Variants in KCNQ1 observed in about 807,000 individuals in gnomAD.
KCNQ1 encodes potassium voltage-gated channel subfamily Q member 1.
In KCNQ1, 49 loss-of-function variants were observed where a neutral mutation model predicts 72.4. The ratio of observed to expected loss-of-function variants is 0.68; its 90% confidence interval spans 0.54 to 0.86. The LOEUF (loss-of-function observed/expected upper bound fraction) is 0.86. KCNQ1 is among the 40% of genes least tolerant of loss of function. The pLI, the probability that KCNQ1 is intolerant of heterozygous loss-of-function variation, is 0.00. For missense variants in KCNQ1, 790 were observed against 945.1 expected (o/e 0.84, Z 2.15); for synonymous variants, 450 against 412.6 (o/e 1.09, Z -1.10).
At position 2,809,466 on chromosome 11, in the gene KCNQ1, G is replaced by A. The variant is rs1334400645; in HGVS notation, c.1794+31429G>A. Among the ~76,000 whole-genome samples, 3 of 152,182 alleles carry A rather than the reference G, an allele frequency of 2.0e-5. No individual in the cohort carries two copies. The highest frequency in any genetic ancestry group is 4.4e-5 in the Non-Finnish European group (3 of 68,038). Reference sequence around the variant, plus strand: ...TACCGTGGCATTGGTCCAGGTTTGTGATACTTGTGCACAGCTTGGGGGCTC... The same window carrying A: ...TACCGTGGCATTGGTCCAGGTTTGTAATACTTGTGCACAGCTTGGGGGCTC... On this transcript the variant is annotated intron_variant, in intron 15 of 15. Transcript: ENST00000155840. This position sits in a 1 kb window ranked among gnomAD's most constrained non-coding sequence, Gnocchi z 7.1.
intron 10 of KCNQ1, chr11:2,643,556 C>A: frequency 2.5e-6 from 1 of 398,452 alleles, no homozygotes; most frequent in Non-Finnish European, 4.4e-6. Flanking sequence ...AGGTGAGATG[C>A]GTTTCTTGTA....
At position 2,482,085 on chromosome 11, in the gene KCNQ1, C is replaced by A. The variant is rs1255787869; in HGVS notation, c.386+36601C>A. Among the ~76,000 whole-genome samples, 1 of 152,158 alleles carries A rather than the reference C, an allele frequency of 6.6e-6. No homozygotes were observed. Among genetic ancestry groups the A allele is most frequent in the Non-Finnish European group, 1.5e-5 (1 of 68,036 alleles). ...ATCTCTGAAACGGGAACGATGGGAG[C>A]CCTCACCTCGTATGGTGGTTTGAGG... On this transcript the variant is annotated intron_variant, in intron 1 of 15. Transcript: ENST00000155840. This position sits in a 1 kb window ranked among gnomAD's most constrained non-coding sequence, Gnocchi z 5.7.
rs1307279894 is a variant in KCNQ1 at position 2,492,608 on chromosome 11, G to T, written c.387-35320G>T. Among the ~76,000 whole-genome samples the T allele has an allele frequency of 2.0e-5, 3 of 152,094 alleles. No individual in the cohort carries two copies. The highest frequency in any genetic ancestry group is 7.2e-5 in the African/African-American group (3 of 41,396). The stretch of plus-strand genomic sequence containing the variant: ...CTTCCACTTATGAGTGAGAACATAT[G>T]GTGTTTGGTTTTCTGTTCCTGTGTT... On this transcript the variant is annotated intron_variant, in intron 1 of 15. Transcript: ENST00000155840. This position sits in a 1 kb window ranked among gnomAD's most constrained non-coding sequence, Gnocchi z 4.1.
Position 2,670,779 on chromosome 11 carries a change from C to A in KCNQ1, c.1514+8698C>A. 1 of 398,540 alleles carries A rather than the reference C, an allele frequency of 2.5e-6. No homozygotes were observed. The highest frequency in any genetic ancestry group is 4.4e-6 in the Non-Finnish European group (1 of 226,060). The allele number at this position is 398,540 out of a possible 1,614,324, so 24.7% of individuals were successfully genotyped here. On this transcript the variant is annotated intron_variant, in intron 11 of 15. Coordinates refer to ENST00000155840, the MANE Select transcript of KCNQ1 (RefSeq NM_000218.3). The surrounding 1 kb of genome is among the most constrained non-coding windows in gnomAD (Gnocchi z 4.9). ...CAGTGGCTCTTGTGGCTGCCCTCTGCAATAAGAATTCTTCAAGTTCAGCCT... is the reference window on the plus strand; with the variant it reads ...CAGTGGCTCTTGTGGCTGCCCTCTGAAATAAGAATTCTTCAAGTTCAGCCT...
intron 1 of KCNQ1, among the ~76,000 whole-genome samples, chr11:2,511,379 AC>A (rs1004630482): frequency 9.2e-5 from 14 of 151,574 alleles, no homozygotes; most frequent in African/African-American, 3.4e-4. Flanking sequence ...ACTCTCCCCC[AC>A]CCCCATGGAA....
rs1222606744 is a variant in KCNQ1 at position 2,647,849 on chromosome 11, A to G, written c.1394-14112A>G. On this transcript the variant is annotated intron_variant, in intron 10 of 15. Coordinates refer to ENST00000155840, the MANE Select transcript of KCNQ1 (RefSeq NM_000218.3). The surrounding 1 kb of genome is among the most constrained non-coding windows in gnomAD (Gnocchi z 4.0). ...GTGTCCATTGTAAGTCTCCTTTTTC[A>G]TTTCTGATTTTATTTATTGGGTCTT... is the stretch of plus-strand genomic sequence containing the variant. 1 of 397,898 alleles carries G rather than the reference A, an allele frequency of 2.5e-6. No homozygotes were observed. Among genetic ancestry groups the G allele is most frequent in the African/African-American group, 2.1e-5 (1 of 48,418 alleles). 24.6% of individuals were successfully genotyped at this position (397,898 alleles called of 1,614,324 possible).
At chr11:2,610,258 G>A in intron 10 of KCNQ1, 1 of 397,958 alleles carries the variant, frequency 2.5e-6, no homozygotes, top group Non-Finnish European at 4.4e-6. Flanking sequence ...GTGAGATACA[G>A]AAGTTATTCC....
chr11:2,694,042 A>C, intron 11 of KCNQ1: 1 of 398,718 alleles, frequency 2.5e-6, no homozygotes, highest in South Asian at 1.3e-4. Flanking sequence ...CCCATGCCAT[A>C]GATGGCTGAG....
At chr11:2,556,990 G>A (rs900970249) in intron 2 of KCNQ1, among the ~76,000 whole-genome samples, 6 of 152,202 alleles carry the variant, frequency 3.9e-5, no homozygotes, top group African/African-American at 7.2e-5. Flanking sequence ...AATGTAAATC[G>A]CCTGAATTCC....
In KCNQ1 at chr11:2,492,112, A is replaced by G. The variant is rs1846845421; in HGVS notation, c.387-35816A>G. On this transcript the variant is annotated intron_variant, in intron 1 of 15. Transcript: ENST00000155840. This position sits in a 1 kb window ranked among gnomAD's most constrained non-coding sequence, Gnocchi z 4.1. ...TTCAATCTGAAAGAAAAGGGTGTTAATAAGCAACAAGAAATGATGTGAAGG... is the reference window on the plus strand; with the variant it reads ...TTCAATCTGAAAGAAAAGGGTGTTAGTAAGCAACAAGAAATGATGTGAAGG... 6.6e-6 allele frequency among the ~76,000 whole-genome samples: 1 copy of G among 152,234 alleles called. No individual in the cohort carries two copies. The highest frequency in any genetic ancestry group is 1.5e-5 in the Non-Finnish European group (1 of 68,040).
chr11:2,797,172 G>T (rs74725295), intron 15 of KCNQ1, among the ~76,000 whole-genome samples: 35 of 152,030 alleles, frequency 2.3e-4, no homozygotes, highest in East Asian at 2.1e-3. Flanking sequence ...GGGGGGTGGC[G>T]GGGGGGAGGC....
chr11:2,605,470 A>G (rs1848865674), intron 10 of KCNQ1, among the ~76,000 whole-genome samples: 1 of 152,182 alleles, frequency 6.6e-6, no homozygotes, highest in South Asian at 2.1e-4. Context: ...ATTTTTATAT[A>G]TGATGTGGAG....
At position 2,477,604 on chromosome 11, in the gene KCNQ1, G is replaced by A. The variant is rs145137095; in HGVS notation, c.386+32120G>A. 2.8e-4 allele frequency among the ~76,000 whole-genome samples: 42 copies of A among 152,120 alleles called. No individual in the cohort carries two copies. The highest frequency in any genetic ancestry group is 9.9e-4 in the African/African-American group (41 of 41,480). On this transcript the variant is annotated intron_variant, in intron 1 of 15. Transcript: ENST00000155840. This position sits in a 1 kb window ranked among gnomAD's most constrained non-coding sequence, Gnocchi z 5.0. The stretch of plus-strand genomic sequence containing the variant: ...ACTAAACCCATAGTGTGTTAAAAAT[G>A]ACCACACATGTAGGCTAGGCACAGT...
intron 2 of KCNQ1, among the ~76,000 whole-genome samples, chr11:2,569,414 A>C (rs1848293159): frequency 6.6e-6 from 1 of 152,240 alleles, no homozygotes; most frequent in Non-Finnish European, 1.5e-5. Context: ...CAGCGATGGC[A>C]GTGTCCAGCT....
At chr11:2,504,475 G>T (rs188310541) in intron 1 of KCNQ1, among the ~76,000 whole-genome samples, 1 of 152,288 alleles carries the variant, frequency 6.6e-6, no homozygotes, top group African/African-American at 2.4e-5. Context: ...CTAAAAGAGA[G>T]CTGGGCACAG....
chr11:2,602,505 A>G lies in KCNQ1; in HGVS notation c.1393+13651A>G, dbSNP rs1175665211. Among the ~76,000 whole-genome samples, 1 of 152,238 alleles carries G rather than the reference A, an allele frequency of 6.6e-6. No homozygotes were observed. The highest frequency in any genetic ancestry group is 1.9e-4 in the East Asian group (1 of 5,200). On this transcript the variant is annotated intron_variant, in intron 10 of 15. Coordinates refer to ENST00000155840, the MANE Select transcript of KCNQ1 (RefSeq NM_000218.3). The surrounding 1 kb of genome is among the most constrained non-coding windows in gnomAD (Gnocchi z 4.8). ...TAAGAAACTACCAAACTGATTTTCC[A>G]GAGTGACTGCACCATTTCACATTCC...
At chr11:2,629,038 T>C (rs1473761110) in intron 10 of KCNQ1, 3 of 398,246 alleles carry the variant, frequency 7.5e-6, no homozygotes, top group Non-Finnish European at 1.3e-5. Flanking sequence ...TCTTTCACTT[T>C]GTTCTTATTG....
At position 2,669,433 on chromosome 11, in the gene KCNQ1, A is replaced by C. The variant is rs769799995; in HGVS notation, c.1514+7352A>C. On this transcript the variant is annotated intron_variant, in intron 11 of 15. Transcript: ENST00000155840. The surrounding 1 kb of genome is among the most constrained non-coding windows in gnomAD (Gnocchi z 5.6). ...CCCTTGTTTATTTAGGTTGACTTTC[A>C]TATCTTTTACCTTGCCCTGTAGTTT... is the stretch of plus-strand genomic sequence containing the variant. 8 of 398,484 alleles carry C rather than the reference A, an allele frequency of 2.0e-5. No homozygotes were observed. Among genetic ancestry groups the C allele is most frequent in the Non-Finnish European group, 3.5e-5 (8 of 226,062 alleles). 24.7% of individuals were successfully genotyped at this position (398,484 alleles called of 1,614,324 possible). A position where few individuals can be genotyped will look rare whatever the true frequency, so the allele number is the denominator to read the frequency against.
intron 6 of KCNQ1, among the ~76,000 whole-genome samples, chr11:2,575,677 C>T (rs1325846363): frequency 2.6e-5 from 4 of 152,222 alleles, no homozygotes; most frequent in Non-Finnish European, 4.4e-5. Flanking sequence ...TCTGTCCGTC[C>T]GTCGGGGCTG....
Sources: allele counts gnomAD v4.1 joint callset (sites outside exome capture counted in the v4.1 genomes callset), GRCh38; gene constraint gnomAD v4.1.1; non-coding constraint Gnocchi (gnomAD v3.1); transcripts MANE v1.5; gene names NCBI Gene and HGNC (gene_info 2026-07-23, HGNC 2026-07-21).